FOXP1: variants seen among roughly 807,000 people sequenced by gnomAD.
FOXP1 encodes the protein forkhead box P1, also known as forkhead box protein P1.
FOXP1 carries 15 observed loss-of-function variants against 98.2 expected under a neutral mutation model. That is an observed-to-expected ratio of 0.15 (90% CI 0.10 to 0.24). The LOEUF (loss-of-function observed/expected upper bound fraction) is 0.24. FOXP1 is among the 10% of genes least tolerant of loss of function. The pLI is 1.00. For missense variants in FOXP1, 633 were observed against 848.5 expected (o/e 0.75, Z 3.15); for synonymous variants, 371 against 314.5 (o/e 1.18, Z -1.90).
At chr3:71,078,980 T>C (rs1186662781) in intron 7 of FOXP1, among the ~76,000 whole-genome samples, 3 of 152,176 alleles carry the variant, frequency 2.0e-5, no homozygotes, top group South Asian at 2.1e-4. Flanking sequence ...TCCTGCACTA[T>C]AACAACTCCC....
chr3:71,473,601 T>C (rs1025570570), intron 3 of FOXP1, among the ~76,000 whole-genome samples: 4 of 152,100 alleles, frequency 2.6e-5, no homozygotes, highest in African/African-American at 9.7e-5. Flanking sequence ...ACAACTGATG[T>C]ATAACTGCCC....
intron 6 of FOXP1, among the ~76,000 whole-genome samples, chr3:71,180,561 T>C (rs923530260): frequency 3.9e-5 from 6 of 152,336 alleles, no homozygotes; most frequent in African/African-American, 1.2e-4. Flanking sequence ...AGGATACTCT[T>C]AGTAAAGAAA....
At chr3:71,265,590 T>C (rs1036272040) in intron 5 of FOXP1, among the ~76,000 whole-genome samples, 12 of 152,232 alleles carry the variant, frequency 7.9e-5, no homozygotes, top group Admixed American at 1.3e-4. Flanking sequence ...CCTATCTCTC[T>C]GTCTTGCACA....
chr3:71,076,091 G>A (rs1420158278), intron 7 of FOXP1, among the ~76,000 whole-genome samples: 1 of 152,082 alleles, frequency 6.6e-6, no homozygotes, highest in Non-Finnish European at 1.5e-5. Flanking sequence ...TGACCAACAT[G>A]AGACCTAATT....
rs9840178 is a variant in FOXP1 at position 71,265,061 on chromosome 3, G to A, written c.-12+34759C>T. ...AGAGGTTCCAGCTGTAAGCTTCAGA[G>A]CAAGTCCAGCTCTGTTCTGTGAAGT... On this transcript the variant is annotated intron_variant, in intron 5 of 20. Coordinates refer to ENST00000649528, the MANE Select transcript of FOXP1 (RefSeq NM_001349338.3). Among the ~76,000 whole-genome samples the A allele has an allele frequency of 7.5e-3, 1,137 of 152,302 alleles. 17 individuals are homozygous for A. Among genetic ancestry groups the A allele is most frequent in the African/African-American group, 0.026 (1,072 of 41,568 alleles).
chr3:71,107,341 G>GAC (rs1375086258), intron 7 of FOXP1, among the ~76,000 whole-genome samples: 1 of 152,160 alleles, frequency 6.6e-6, no homozygotes, highest in Non-Finnish European at 1.5e-5. Context: ...AACTGGATGT[G>GAC]ACATTCTGTG....
intron 11 of FOXP1, among the ~76,000 whole-genome samples, chr3:71,039,477 A>G (rs1436600946): frequency 6.6e-6 from 1 of 152,320 alleles, no homozygotes; most frequent in African/African-American, 2.4e-5. Context: ...AACCTTTTAG[A>G]AAATGAAACT....
intron 4 of FOXP1, among the ~76,000 whole-genome samples, chr3:71,313,963 T>C (rs1011125057): frequency 1.6e-4 from 25 of 152,202 alleles, no homozygotes; most frequent in Non-Finnish European, 2.9e-5. Context: ...AAGTTCTTAT[T>C]AGCTCTGGTG....
At chr3:70,993,032 G>A (rs560785743) in intron 13 of FOXP1, among the ~76,000 whole-genome samples, 1 of 152,250 alleles carries the variant, frequency 6.6e-6, no homozygotes, top group South Asian at 2.1e-4. Flanking sequence ...GCCAAAGGGG[G>A]ATACATTACA....
intron 5 of FOXP1, among the ~76,000 whole-genome samples, chr3:71,267,124 A>AGAGTGT (rs142661368): frequency 2.6e-3 from 382 of 148,356 alleles, no homozygotes; most frequent in African/African-American, 5.2e-3. Context: ...TATGGGAGAG[A>AGAGTGT]GTGTGTGTGT....
intron 11 of FOXP1, among the ~76,000 whole-genome samples, chr3:71,036,184 T>C (rs1425914827): frequency 1.3e-5 from 2 of 152,230 alleles, no homozygotes; most frequent in East Asian, 1.9e-4. Flanking sequence ...CCTTCAGGGG[T>C]TATTTGAAGG....
At chr3:71,297,586 T>C (rs1212289013) in intron 5 of FOXP1, among the ~76,000 whole-genome samples, 2 of 150,428 alleles carry the variant, frequency 1.3e-5, no homozygotes, top group Non-Finnish European at 1.5e-5. Flanking sequence ...AAACTTTTCA[T>C]CTTTTCTACC....
intron 3 of FOXP1, among the ~76,000 whole-genome samples, chr3:71,462,667 T>C (rs1454887618): frequency 6.6e-6 from 1 of 152,236 alleles, no homozygotes; most frequent in Non-Finnish European, 1.5e-5. Context: ...AATCATTGCA[T>C]CTATGTTAGA....
Position 71,551,940 on chromosome 3 carries a change from T to C in FOXP1, c.-298+29609A>G, listed in dbSNP as rs756774088. Reference sequence around the variant, plus strand: ...TCTAAACCATTCCCTCCAGGAAGTGTTGAAATACTCAGCATTTAGTGCCTT... The same window carrying C: ...TCTAAACCATTCCCTCCAGGAAGTGCTGAAATACTCAGCATTTAGTGCCTT... On this transcript the variant is annotated intron_variant, in intron 2 of 20. Coordinates refer to ENST00000649528, the MANE Select transcript of FOXP1 (RefSeq NM_001349338.3). Among the ~76,000 whole-genome samples the C allele has an allele frequency of 5.9e-5, 9 of 152,198 alleles. No homozygotes were observed. The South Asian group carries it at 6.2e-4, about 10-fold the overall frequency.
chr3:71,302,530 A>G (rs532092027), intron 4 of FOXP1, among the ~76,000 whole-genome samples: 100 of 151,068 alleles, frequency 6.6e-4, no homozygotes, highest in Middle Eastern at 3.5e-3. Context: ...AAAAAAAAAA[A>G]AGATAAAGAT....
intron 6 of FOXP1, among the ~76,000 whole-genome samples, chr3:71,140,440 C>A (rs1421084269): frequency 6.6e-6 from 1 of 152,166 alleles, no homozygotes; most frequent in Non-Finnish European, 1.5e-5. Context: ...TTTGGATTTT[C>A]CTGTTAGGGA....
intron 2 of FOXP1, among the ~76,000 whole-genome samples, chr3:71,513,230 A>G (rs1011388059): frequency 5.3e-5 from 8 of 152,290 alleles, no homozygotes; most frequent in Non-Finnish European, 1.0e-4. Context: ...TTTCAATCTC[A>G]AGCAGGCTCT....
At chr3:71,158,007 G>C (rs375764122) in intron 6 of FOXP1, among the ~76,000 whole-genome samples, 1 of 151,208 alleles carries the variant, frequency 6.6e-6, no homozygotes, top group South Asian at 2.1e-4. Context: ...AGGATCGCTT[G>C]AGCTTGGAGG....
At chr3:70,998,068 C>T (rs2041627727) in intron 13 of FOXP1, among the ~76,000 whole-genome samples, 1 of 152,176 alleles carries the variant, frequency 6.6e-6, no homozygotes, top group East Asian at 1.9e-4. Context: ...GTGAGCAGAG[C>T]TTAGGCAGCC....
Sources: gnomAD v4.1 joint callset for allele counts (sites outside exome capture counted in the v4.1 genomes callset) on GRCh38, gnomAD v4.1.1 for gene constraint, MANE v1.5 for transcripts, NCBI Gene and HGNC (gene_info 2026-07-23, HGNC 2026-07-21) for gene names.